TNC: variants seen among roughly 807,000 people sequenced by gnomAD.
TNC encodes the protein tenascin C.
A neutral mutation model predicts 202.4 loss-of-function variants in TNC; 109 were observed. That is an observed-to-expected ratio of 0.54 (90% CI 0.46 to 0.63). TNC has a LOEUF of 0.63. Among genes scored for constraint, TNC ranks in the 30% least tolerant of loss-of-function variants. The probability of loss-of-function intolerance (pLI) is 0.00; values close to 1 mark genes in which losing one functional copy is unlikely to be tolerated. For synonymous variants in TNC, 1,007 were observed against 1,089.7 expected (o/e 0.92, Z 1.50); for missense variants, 2,756 against 2,833.3 (o/e 0.97, Z 0.62).
At position 115,059,891 on chromosome 9, in the gene TNC, T is replaced by C; in HGVS notation, c.4145A>G (p.Gln1382Arg). The C allele has an allele frequency of 1.2e-6, 2 of 1,614,154 alleles. No individual in the cohort carries two copies. Among genetic ancestry groups the C allele is most frequent in the Non-Finnish European group, 1.7e-6 (2 of 1,180,030 alleles). Residue 1382 changes from glutamine to arginine, a missense_variant, in exon 14 of 28, where the codon CAG (glutamine) becomes CGG (arginine). By Grantham distance (43) the Gln-to-Arg change is conservative. Coordinates refer to ENST00000350763, the MANE Select transcript of TNC (RefSeq NM_002160.4). ...NAYEHFVIQV[Q>R]EVNKVEAAQN... ...GGCTGCCTCCACTTTGTTGACCTCC[T>C]GCACCTGAATGACAAAGTGCTCATA...
At position 115,059,949 on chromosome 9, in the gene TNC, G is replaced by C. The variant is rs769902593; in HGVS notation, c.4087C>G (p.Leu1363Val). Residue 1363 changes from leucine to valine, a missense_variant, in exon 14 of 28, where the codon CTC becomes GTC. This residue lies in a region of TNC where 2,559 missense variants were observed against 2,546.0 expected (regional missense o/e 1.01). Coordinates refer to ENST00000350763, the MANE Select transcript of TNC (RefSeq NM_002160.4). ...LAVSEVGWDG[L>V]RLNWTAADNA... ...TCAGCTGCGGTCCAGTTGAGTCTGAGGCCATCCCAGCCAACCTCAGACACG... is the reference window on the plus strand; with the variant it reads ...TCAGCTGCGGTCCAGTTGAGTCTGACGCCATCCCAGCCAACCTCAGACACG... The C allele has an allele frequency of 5.6e-6, 9 of 1,613,924 alleles. No homozygotes were observed. In the South Asian group the frequency reaches 8.8e-5, roughly 16 times the overall value.
intron 1 of TNC, among the ~76,000 whole-genome samples, chr9:115,095,469 T>TAC (rs1835584105): frequency 1.9e-5 from 1 of 52,244 alleles, no homozygotes; most frequent in Admixed American, 3.2e-4. Flanking sequence ...TATATATATA[T>TAC]GTATATATAT....
At chr9:115,082,879 A>G (rs1834411993) in intron 4 of TNC, 72 bp from the exon 5 acceptor site, 3 of 984,150 alleles carry the variant, frequency 3.0e-6, no homozygotes, top group African/African-American at 1.6e-5. Context: ...CCACGATTCC[A>G]CTAAACCAGA....
intron 27 of TNC, among the ~76,000 whole-genome samples, chr9:115,023,041 A>AC (rs1189317787): frequency 1.3e-5 from 2 of 149,534 alleles, no homozygotes; most frequent in African/African-American, 5.1e-5. Flanking sequence ...AATATGCAAA[A>AC]AAAAAAAAAA....
Position 115,057,140 on chromosome 9 carries a change from A to C in TNC, c.4579+13T>G, listed in dbSNP as rs746361517. 1.2e-6 allele frequency: 2 copies of C among 1,600,748 alleles called. No individual in the cohort carries two copies. Among genetic ancestry groups the C allele is most frequent in the Non-Finnish European group, 1.7e-6 (2 of 1,172,634 alleles). On this transcript the variant is annotated intron_variant, in intron 15 of 27. Coordinates refer to ENST00000350763, the MANE Select transcript of TNC (RefSeq NM_002160.4). ...GGAGAGAGTGCGTTAGAAATGGGAG[A>C]ATGCACATGTACCTGTCGTGGCTGT... is the stretch of plus-strand genomic sequence containing the variant.
chr9:115,038,424 A>T (rs1156839966), intron 19 of TNC, 44 bp from the exon 20 acceptor site: 1 of 1,606,908 alleles, frequency 6.2e-7, no homozygotes, highest in Non-Finnish European at 8.5e-7. Flanking sequence ...ATTGGGTGGG[A>T]CATCAGACTC....
At position 115,020,705 on chromosome 9, in the gene TNC, G is replaced by T; in HGVS notation, c.*452C>A. 6.1e-6 allele frequency: 2 copies of T among 326,920 alleles called. No homozygotes were observed. Among genetic ancestry groups the T allele is most frequent in the Non-Finnish European group, 1.2e-5 (2 of 165,704 alleles). 20.3% of individuals were successfully genotyped at this position (326,920 alleles called of 1,614,324 possible). ...AAATGGAAACAGTATTGCTTTTCTG[G>T]TTTCTGTTGTATGAAATGTAAAAAA... On this transcript the variant is annotated 3_prime_UTR_variant, in exon 28 of 28. Transcript: ENST00000350763.
intron 27 of TNC, among the ~76,000 whole-genome samples, chr9:115,021,899 T>C (rs1380546692): frequency 1.3e-5 from 2 of 152,180 alleles, no homozygotes; most frequent in African/African-American, 4.8e-5. Flanking sequence ...GAAGATTAAA[T>C]GAGTTTGTAA....
At chr9:115,096,860 C>T (rs1564141598) in intron 1 of TNC, among the ~76,000 whole-genome samples, 1 of 152,158 alleles carries the variant, frequency 6.6e-6, no homozygotes, top group African/African-American at 2.4e-5. Flanking sequence ...TTCTTCCTCC[C>T]TCTGCACACC....
At chr9:115,045,347 G>A (rs1342209147) in intron 17 of TNC, among the ~76,000 whole-genome samples, 1 of 151,970 alleles carries the variant, frequency 6.6e-6, no homozygotes, top group African/African-American at 2.4e-5. Context: ...TTATTACAAA[G>A]AGTCATATTA....
At chr9:115,030,210 C>T (rs1829841368) in intron 24 of TNC, 44 bp downstream of exon 24, 1 of 1,553,066 alleles carries the variant, frequency 6.4e-7, no homozygotes, top group African/African-American at 1.4e-5. Context: ...CCCTCTCCCT[C>T]TTCCCCTAGG....
chr9:115,067,308 A>G (rs1428331504), intron 10 of TNC, among the ~76,000 whole-genome samples: 1 of 152,014 alleles, frequency 6.6e-6, no homozygotes, highest in Non-Finnish European at 1.5e-5. Context: ...AATCAACCCT[A>G]TGTCTTCTTA....
chr9:115,071,833 C>G (rs1351789764), intron 10 of TNC, among the ~76,000 whole-genome samples: 1 of 152,150 alleles, frequency 6.6e-6, no homozygotes. Context: ...TTATAACAAG[C>G]TCATGTTTAT....
At chr9:115,062,895 G>T in intron 13 of TNC, 22 bp downstream of exon 13, 1 of 1,601,636 alleles carries the variant, frequency 6.2e-7, no homozygotes, top group Non-Finnish European at 8.5e-7. Flanking sequence ...CATGTCTCCA[G>T]TCTGGGAGGA....
chr9:115,098,775 C>T (rs996912286), intron 1 of TNC, among the ~76,000 whole-genome samples: 2 of 152,086 alleles, frequency 1.3e-5, no homozygotes, highest in African/African-American at 4.8e-5. Context: ...GCTTACAGGC[C>T]AAAGAGTTTT....
At chr9:115,027,099 A>G (rs1450065256) in intron 25 of TNC, among the ~76,000 whole-genome samples, 3 of 131,604 alleles carry the variant, frequency 2.3e-5, no homozygotes, top group Non-Finnish European at 3.2e-5. Context: ...ACAGAGCAAG[A>G]CTCCATCTCA....
chr9:115,101,414 T>C (rs1202496905), intron 1 of TNC, among the ~76,000 whole-genome samples: 2 of 152,186 alleles, frequency 1.3e-5, no homozygotes, highest in African/African-American at 4.8e-5. Context: ...GATTTCATCA[T>C]GTTGACCAGG....
Position 115,046,486 on chromosome 9 carries a change from A to T in TNC, c.5049T>A (p.Ala1683=). 1.2e-6 allele frequency: 2 copies of T among 1,614,168 alleles called. No homozygotes were observed. The highest frequency in any genetic ancestry group is 1.7e-6 in the Non-Finnish European group (2 of 1,179,996). The part of the protein sequence containing the change: ...RTRDITGLRE[A]TEYEIELYGI... ...CATAGAGTTCAATTTCGTATTCAGT[A>T]GCCTCTCTGAGACCTGTTATGTCCC... The change falls in exon 17 of 28, where the codon GCT becomes GCA. Residue 1683 remains alanine, a synonymous_variant. Coordinates refer to ENST00000350763, the MANE Select transcript of TNC (RefSeq NM_002160.4).
chr9:115,045,929 T>C (rs1831156955), intron 17 of TNC, among the ~76,000 whole-genome samples: 1 of 152,196 alleles, frequency 6.6e-6, no homozygotes, highest in East Asian at 1.9e-4. Flanking sequence ...GACGTGCTGC[T>C]TCTCCATTAT....
Sources: gnomAD v4.1 joint callset for allele counts (sites outside exome capture counted in the v4.1 genomes callset) on GRCh38, gnomAD v4.1.1 for gene constraint, gnomAD v4.1.1 regional missense constraint, MANE v1.5 for transcripts, NCBI Gene and HGNC (gene_info 2026-07-23, HGNC 2026-07-21) for gene names.